Variants in ARHGAP9 observed in about 807,000 individuals in gnomAD.
ARHGAP9 encodes Rho GTPase activating protein 9, also known as rho GTPase-activating protein 9.
A neutral mutation model predicts 87.3 loss-of-function variants in ARHGAP9; 76 were observed. That is an observed-to-expected ratio of 0.87 (90% confidence interval 0.72 to 1.05). The LOEUF is 1.05. ARHGAP9 is among the 50% of genes least tolerant of loss of function. The pLI, the probability that ARHGAP9 is intolerant of heterozygous loss-of-function variation, is 0.00. For missense variants in ARHGAP9, 941 were observed against 960.5 expected (o/e 0.98, Z 0.27); for synonymous variants, 382 against 394.9 (o/e 0.97, Z 0.39).
intron 10 of ARHGAP9, 46 bp from the exon 11 acceptor site, chr12:57,475,661 C>T (rs1302104792): frequency 6.3e-7 from 1 of 1,593,158 alleles, no homozygotes; most frequent in South Asian, 1.1e-5. Context: ...GGAGAGAAAT[C>T]TGTATCCCTA....
In ARHGAP9 at chr12:57,477,238, A is replaced by G; in HGVS notation, c.788T>C (p.Leu263Pro). The change falls in exon 5 of 18, where the codon CTG (leucine) becomes CCG (proline). Residue 263 changes from leucine to proline, a missense_variant. Coordinates refer to ENST00000393791, the MANE Select transcript of ARHGAP9 (RefSeq NM_032496.4). ...NPGSMEGTQT[L>P]KRNNDVLQPQ... ...TTGCAGGACATCATTGTTCCTCTTCAGGGTCTGTGTCCCCTCCATGGAGCC... is the reference window on the plus strand; with the variant it reads ...TTGCAGGACATCATTGTTCCTCTTCGGGGTCTGTGTCCCCTCCATGGAGCC... The G allele has an allele frequency of 1.3e-6, 2 of 1,592,256 alleles. No homozygotes were observed. The highest frequency in any genetic ancestry group is 1.7e-6 in the Non-Finnish European group (2 of 1,168,896).
intron 1 of ARHGAP9, chr12:57,488,604 C>T (rs1565636096): frequency 1.3e-6 from 2 of 1,551,084 alleles, no homozygotes; most frequent in Admixed American, 2.0e-5. Flanking sequence ...ACGTTCCTTT[C>T]TGTTTACCTC....
chr12:57,482,390 G>A (rs370903403), upstream of ARHGAP9, among the ~76,000 whole-genome samples: 3 of 152,102 alleles, frequency 2.0e-5, no homozygotes, highest in South Asian at 2.1e-4. Context: ...ACAGGTGCCC[G>A]CCACCATGTC....
rs1468513396 is a variant in ARHGAP9 at position 57,476,068 on chromosome 12, C to G, written c.1212+3G>C. 1 of 1,526,546 alleles carries G rather than the reference C, an allele frequency of 6.6e-7. No individual in the cohort carries two copies. The allele number at this position is 1,526,546 out of a possible 1,614,324, so 94.6% of individuals were successfully genotyped here. On this transcript the variant is annotated splice_donor_region_variant and intron_variant, in intron 9 of 17. Coordinates refer to ENST00000393791, the MANE Select transcript of ARHGAP9 (RefSeq NM_032496.4). ...CCTTGGGGACGCGCGGGAGGGCGCTCACGTGCAGGACGTTGCGGCGGCTGG... is the reference window on the plus strand; with the variant it reads ...CCTTGGGGACGCGCGGGAGGGCGCTGACGTGCAGGACGTTGCGGCGGCTGG...
At position 57,476,861 on chromosome 12, in the gene ARHGAP9, G is replaced by T; in HGVS notation, c.963+10C>A. On this transcript the variant is annotated intron_variant, in intron 6 of 17. Coordinates refer to ENST00000393791, the MANE Select transcript of ARHGAP9 (RefSeq NM_032496.4). ...GGATCTTGGCCTTCACAAAGAAATG[G>T]GAGATTCACATGGGGGTCGTCCAGG... 1 of 1,612,640 alleles carries T rather than the reference G, an allele frequency of 6.2e-7. No homozygotes were observed. The highest frequency in any genetic ancestry group is 2.2e-5 in the East Asian group (1 of 44,856).
intron 1 of ARHGAP9, chr12:57,487,445 A>C (rs1029853056): frequency 6.6e-6 from 1 of 152,194 alleles, no homozygotes; most frequent in Admixed American, 6.6e-5. Context: ...TTCATTCTCC[A>C]CAACAAGAGA....
intron 1 of ARHGAP9, chr12:57,487,987 G>C: frequency 1.1e-6 from 1 of 872,014 alleles, no homozygotes; most frequent in Non-Finnish European, 1.9e-6. Context: ...TGCCAGGGCA[G>C]TGGCCTAATA....
chr12:57,476,331 C>G (rs1873652628), intron 8 of ARHGAP9, 33 bp downstream of exon 8: 10 of 1,606,304 alleles, frequency 6.2e-6, no homozygotes, highest in Non-Finnish European at 8.5e-6. Context: ...AGGCAGCGCC[C>G]GCACCCATCC....
chr12:57,488,535 C>A (rs1045913132), intron 1 of ARHGAP9: 45 of 1,531,812 alleles, frequency 2.9e-5, no homozygotes, highest in Non-Finnish European at 3.7e-5. Flanking sequence ...AGCATGACAG[C>A]CCCCAGGCAC....
rs1340993360 is a variant in ARHGAP9, at chr12:57,487,203, C to CT, written c.-204+1408dup. The CT allele has an allele frequency of 2.0e-5, 3 of 151,984 alleles. No homozygotes were observed. The East Asian group carries it at 5.9e-4, about 30-fold the overall frequency. 9.4% of individuals were successfully genotyped at this position (151,984 alleles called of 1,614,324 possible). A position where few individuals can be genotyped will look rare whatever the true frequency, so the allele number is the denominator to read the frequency against. ...TGTTGGCCAGGCTGGTCTCGAACTG[C>CT]TGACCTCAGGTGATCCGCCCGCCTC... On this transcript the variant is annotated intron_variant, in intron 1 of 20. Coordinates refer to the ARHGAP9 transcript ENST00000393797.
At position 57,478,382 on chromosome 12, in the gene ARHGAP9, C is replaced by A; in HGVS notation, c.534+158G>T. On this transcript the variant is annotated intron_variant, in intron 3 of 17. Transcript: ENST00000393791. ...CTCCCCGCACCACCTCAGCCACTCT[C>A]CACCACATTAACTTGCCTTTAGACT... 1.1e-5 allele frequency: 8 copies of A among 740,672 alleles called. No homozygotes were observed. In the South Asian group the frequency reaches 1.3e-4, roughly 12 times the overall value. The allele number at this position is 740,672 out of a possible 1,614,324, so 45.9% of individuals were successfully genotyped here.
chr12:57,474,903 C>T lies in ARHGAP9; in HGVS notation c.1623G>A (p.Arg541=), dbSNP rs771400557. The change falls in exon 13 of 18, where the codon CGG becomes CGA. Residue 541 remains arginine (R), a synonymous_variant. Transcript: ENST00000393791. ...REGDTVPSFL[R]LCIAAVDKRG... is the part of the protein sequence containing the mutation. ...TTTTATCCACAGCAGCAATGCAGAG[C>T]CGCAAAAAGCTGGGCACCGTGTCTC... The T allele has an allele frequency of 2.5e-6, 4 of 1,614,156 alleles. No individual in the cohort carries two copies. The South Asian group carries it at 4.4e-5, about 18-fold the overall frequency.
In ARHGAP9 at chr12:57,473,813, A is replaced by C. The variant is rs1465759677; in HGVS notation, c.1919-105T>G. The C allele has an allele frequency of 5.8e-6, 7 of 1,214,856 alleles. No homozygotes were observed. In the African/African-American group the frequency reaches 1.1e-4, roughly 18 times the overall value. 75.3% of individuals were successfully genotyped at this position (1,214,856 alleles called of 1,614,324 possible). On this transcript the variant is annotated intron_variant, in intron 16 of 17. Coordinates refer to ENST00000393791, the MANE Select transcript of ARHGAP9 (RefSeq NM_032496.4). Reference sequence around the variant, plus strand: ...CCCACAGGCATGGAAGACATCATTAATCTAGCACAGCTTTCTTTTTCACAT... The same window carrying C: ...CCCACAGGCATGGAAGACATCATTACTCTAGCACAGCTTTCTTTTTCACAT...
chr12:57,487,771 C>A (rs1875539523), intron 1 of ARHGAP9: 1 of 301,010 alleles, frequency 3.3e-6, no homozygotes, highest in African/African-American at 2.2e-5. Flanking sequence ...ATCACTTGAA[C>A]CCTGGAGGCA....
At position 57,476,968 on chromosome 12, in the gene ARHGAP9, GGGAGAGGATT is replaced by G; in HGVS notation, c.871-15_871-6del. 1 of 1,613,472 alleles carries G rather than the reference GGGAGAGGATT, an allele frequency of 6.2e-7. No individual in the cohort carries two copies. Among genetic ancestry groups the G allele is most frequent in the Middle Eastern group, 1.7e-4 (1 of 6,058 alleles). On this transcript the variant is annotated splice_region_variant and splice_polypyrimidine_tract_variant and intron_variant, in intron 5 of 17. Transcript: ENST00000393791. ...TTGGCTGAGGCTGAGTGAACCCTAG[GGGAGAGGATT>G]GGAGAAACAGGTGGGGAAACGCTCG... is the stretch of plus-strand genomic sequence containing the variant.
chr12:57,475,927 C>G lies in ARHGAP9; in HGVS notation c.1217G>C (p.Arg406Pro), dbSNP rs1723596519. Residue 406 changes from arginine (R) to proline (P), a missense_variant, in exon 10 of 18, where the codon CGC (arginine) becomes CCC (proline). Coordinates refer to ENST00000393791, the MANE Select transcript of ARHGAP9 (RefSeq NM_032496.4). ...LSSRRNVLHI[R>P]TIPGHEFLLQ... ...CAGGAACTCGTGGCCAGGGATCGTGCGGATCTGAGGGCCAGGCAAGGAAAC... is the reference window on the plus strand; with the variant it reads ...CAGGAACTCGTGGCCAGGGATCGTGGGGATCTGAGGGCCAGGCAAGGAAAC... The G allele has an allele frequency of 6.2e-7, 1 of 1,612,360 alleles. No homozygotes were observed. Among genetic ancestry groups the G allele is most frequent in the South Asian group, 1.1e-5 (1 of 90,924 alleles).
At chr12:57,482,340 A>G (rs913702832), upstream of ARHGAP9, among the ~76,000 whole-genome samples, 8 of 151,666 alleles carry the variant, frequency 5.3e-5, no homozygotes, top group African/African-American at 1.9e-4. Flanking sequence ...TCCCAGGTTC[A>G]TGCCATTCTC....
intron 17 of ARHGAP9, among the ~76,000 whole-genome samples, chr12:57,472,902 T>C (rs995945847): frequency 1.3e-5 from 2 of 152,130 alleles, no homozygotes; most frequent in African/African-American, 4.8e-5. Context: ...TCTTCCGACT[T>C]CAGGGGCTGC....
chr12:57,475,031 T>C, intron 12 of ARHGAP9, 58 bp from the exon 13 acceptor site: 1 of 1,543,264 alleles, frequency 6.5e-7, no homozygotes, highest in Non-Finnish European at 8.9e-7. Flanking sequence ...GGAGCTCTTC[T>C]CAGCATAGGT....
Sources: allele counts gnomAD v4.1 joint callset (sites outside exome capture counted in the v4.1 genomes callset), GRCh38; gene constraint gnomAD v4.1.1; transcripts MANE v1.5; gene names NCBI Gene and HGNC (gene_info 2026-07-23, HGNC 2026-07-21).